Variants in VIL1 observed in about 807,000 individuals in gnomAD.
The protein encoded by VIL1 is villin-1.
Under a neutral mutation model 104.0 loss-of-function variants are expected in VIL1, and 86 were observed. The ratio of observed to expected loss-of-function variants is 0.83; its 90% CI spans 0.69 to 0.99. VIL1 has a LOEUF of 0.99. Among genes scored for constraint, VIL1 ranks in the 50% least tolerant of loss-of-function variants. The pLI, the probability that VIL1 is intolerant of heterozygous loss-of-function variation, is 0.00. For synonymous variants in VIL1, 394 were observed against 412.6 expected (o/e 0.95, Z 0.55); for missense variants, 944 against 1,054.1 (o/e 0.90, Z 1.45).
rs374040049 is a variant in VIL1, at chr2:218,429,634, G to A, written c.808G>A (p.Val270Ile). The A allele has an allele frequency of 3.6e-5, 58 of 1,614,006 alleles. No homozygotes were observed. The highest frequency in any genetic ancestry group is 5.3e-5 in the African/African-American group (4 of 74,930). ...DSEGNLVVRE[V>I]ATRPLTQDLL... ...CGAGGGGAATCTGGTGGTGAGGGAA[G>A]TCGCCACACGGCCACTGACACAGGA... Residue 270 changes from valine (V) to isoleucine (I), a missense_variant, in exon 8 of 20, where the codon GTC becomes ATC. By Grantham distance (29) the Val-to-Ile change is conservative. Transcript: ENST00000248444.
Position 218,425,697 on chromosome 2 carries a change from C to G in VIL1, c.233C>G (p.Ala78Gly), listed in dbSNP as rs377689375. 2.5e-6 allele frequency: 4 copies of G among 1,614,050 alleles called. No individual in the cohort carries two copies. Among genetic ancestry groups the G allele is most frequent in the Admixed American group, 1.7e-5 (1 of 60,000 alleles). ...QDSSLDEQGA[A>G]AIYTTQMDDF... ...TCATCCCTGGATGAGCAGGGGGCAG[C>G]TGCCATCTACACCACACAGATGGAT... The change falls in exon 4 of 20, where the codon GCT (alanine) becomes GGT (glycine). Residue 78 changes from alanine (A) to glycine (G), a missense_variant. Transcript: ENST00000248444.
chr2:218,432,985 C>T (rs1689126132), intron 13 of VIL1, 34 bp downstream of exon 13: 2 of 1,612,488 alleles, frequency 1.2e-6, no homozygotes, highest in African/African-American at 2.7e-5. Context: ...CTGGCAGTAA[C>T]CACTGTGGCA....
chr2:218,448,464 C>T (rs1312132689), intron 19 of VIL1, among the ~76,000 whole-genome samples: 1 of 151,502 alleles, frequency 6.6e-6, no homozygotes, highest in African/African-American at 2.4e-5. Flanking sequence ...ACTCAGGAGG[C>T]TGAGGCAGAG....
At chr2:218,424,666 A>AT (rs59287262) in intron 3 of VIL1, among the ~76,000 whole-genome samples, 5 of 151,604 alleles carry the variant, frequency 3.3e-5, no homozygotes, top group African/African-American at 1.2e-4. Context: ...TTTTTTTAAA[A>AT]TTTTTTTCCG....
chr2:218,434,390 A>G (rs1260436134), intron 13 of VIL1, 136 bp from the exon 14 acceptor site: 6 of 834,362 alleles, frequency 7.2e-6, no homozygotes, highest in Non-Finnish European at 1.1e-5. Flanking sequence ...AATGTTTTAG[A>G]AAGACCTGGT....
intron 1 of VIL1, among the ~76,000 whole-genome samples, chr2:218,420,589 T>G (rs569607986): frequency 0.13 from 19,565 of 149,854 alleles, 3,270 homozygotes; most frequent in African/African-American, 0.39. Context: ...TTTTTTTTTT[T>G]TTTGTTTTTT....
At chr2:218,449,005 G>GA (rs11320086) in intron 19 of VIL1, among the ~76,000 whole-genome samples, 68,414 of 147,576 alleles carry the variant, frequency 0.46, 18,633 homozygotes, top group East Asian at 0.77. Flanking sequence ...ACATGGTCTG[G>GA]AAAAAAAAAA....
intron 1 of VIL1, among the ~76,000 whole-genome samples, chr2:218,420,443 A>AAG (rs1553531899): frequency 1.3e-5 from 2 of 149,500 alleles, no homozygotes; most frequent in Non-Finnish European, 3.0e-5. Context: ...AAAAAAAAAA[A>AAG]AAAAGAAAAG....
At chr2:218,443,312 C>T (rs921569778) in intron 19 of VIL1, among the ~76,000 whole-genome samples, 1 of 151,288 alleles carries the variant, frequency 6.6e-6, no homozygotes, top group Non-Finnish European at 1.5e-5. Flanking sequence ...GATTCTCCTG[C>T]CTCAGACTCC....
intron 19 of VIL1, among the ~76,000 whole-genome samples, chr2:218,446,484 C>T (rs777532761): frequency 4.3e-4 from 66 of 152,130 alleles, no homozygotes; most frequent in Non-Finnish European, 8.4e-4. Flanking sequence ...ATCCACCTGC[C>T]TTGGCCTCCC....
chr2:218,443,413 G>A (rs1277766516), intron 19 of VIL1, among the ~76,000 whole-genome samples: 1 of 151,820 alleles, frequency 6.6e-6, no homozygotes, highest in Non-Finnish European at 1.5e-5. Flanking sequence ...AGCCAGGCTG[G>A]TCTCAAACTC....
intron 19 of VIL1, among the ~76,000 whole-genome samples, chr2:218,444,716 A>G (rs768959540): frequency 6.6e-6 from 1 of 152,200 alleles, no homozygotes; most frequent in African/African-American, 2.4e-5. Flanking sequence ...CAGTGACAAC[A>G]GTGGGGTGGT....
At chr2:218,431,065 A>T (rs545769839) in intron 10 of VIL1, 187 bp downstream of exon 10, 17 of 800,848 alleles carry the variant, frequency 2.1e-5, no homozygotes, top group Middle Eastern at 2.3e-4. Flanking sequence ...GGGAGCTGAG[A>T]GGGCTGGGCA....
intron 6 of VIL1, among the ~76,000 whole-genome samples, 156 bp downstream of exon 6, chr2:218,428,493 C>T (rs1480098756): frequency 1.3e-5 from 2 of 152,140 alleles, no homozygotes; most frequent in African/African-American, 2.4e-5. Context: ...TTGGAGTTTG[C>T]GTGTGTGTAC....
In VIL1 at chr2:218,431,880, G is replaced by A. The variant is rs1002461479; in HGVS notation, c.1126G>A (p.Asp376Asn). 10 of 1,613,818 alleles carry A rather than the reference G, an allele frequency of 6.2e-6. No individual in the cohort carries two copies. The highest frequency in any genetic ancestry group is 2.2e-5 in the East Asian group (1 of 44,864). ...AGCCAAAGTGGAACAGGTGAAGTTC[G>A]ATGCCACATCCATGCATGTCAAGCC... The part of the protein sequence containing the change: ...SVAKVEQVKF[D>N]ATSMHVKPQV... The change falls in exon 11 of 20, where the codon GAT (aspartate) becomes AAT (asparagine). Residue 376 changes from aspartate to asparagine, a missense_variant. Coordinates refer to ENST00000248444, the MANE Select transcript of VIL1 (RefSeq NM_007127.3).
chr2:218,438,805 G>T, intron 18 of VIL1, 79 bp downstream of exon 18: 2 of 1,243,960 alleles, frequency 1.6e-6, no homozygotes, highest in Non-Finnish European at 2.3e-6. Context: ...ACGCTGCAGA[G>T]AAGACACCAG....
intron 2 of VIL1, 109 bp from the exon 3 acceptor site, chr2:218,424,168 C>T (rs1688938935): frequency 6.4e-6 from 6 of 939,430 alleles, no homozygotes; most frequent in Non-Finnish European, 1.0e-5. Context: ...TCCTTTCATT[C>T]CTGGGCCCGG....
At chr2:218,444,440 C>T (rs1292831735) in intron 19 of VIL1, among the ~76,000 whole-genome samples, 3 of 151,932 alleles carry the variant, frequency 2.0e-5, no homozygotes, top group African/African-American at 4.8e-5. Context: ...CCATCACGCC[C>T]GGCTAATTTT....
chr2:218,445,516 G>A (rs1302666974), intron 19 of VIL1, among the ~76,000 whole-genome samples: 1 of 152,104 alleles, frequency 6.6e-6, no homozygotes, highest in Non-Finnish European at 1.5e-5. Context: ...TGCCCAGGGT[G>A]GGAGGCAAAT....
Sources: gnomAD v4.1 joint callset for allele counts (sites outside exome capture counted in the v4.1 genomes callset) on GRCh38, gnomAD v4.1.1 for gene constraint, MANE v1.5 for transcripts, NCBI Gene and HGNC (gene_info 2026-07-23, HGNC 2026-07-21) for gene names.